The following CCR5AS variants were observed in gnomAD, a reference collection of about 807,000 sequenced individuals.
CCR5AS encodes CCR5 antisense RNA.
chr3:46,373,211 C>T, intron 2 of CCR5AS: 1 of 1,614,212 alleles, frequency 6.2e-7, no homozygotes, highest in East Asian at 2.2e-5. Context: ...TGTGTCAACT[C>T]TTGACAGGGC....
At chr3:46,398,869 T>C (rs1389105262) in intron 1 of CCR5AS, among the ~76,000 whole-genome samples, 1 of 152,194 alleles carries the variant, frequency 6.6e-6, no homozygotes, top group Non-Finnish European at 1.5e-5. Flanking sequence ...CTTTATTCCA[T>C]AGGATTGGGA....
chr3:46,399,143 T>C (rs183025462), intron 1 of CCR5AS, among the ~76,000 whole-genome samples: 2 of 152,316 alleles, frequency 1.3e-5, no homozygotes, highest in African/African-American at 4.8e-5. Context: ...TGTCAAAAAA[T>C]CTTAAGCACC....
chr3:46,401,022 G>T (rs1325557158), intron 1 of CCR5AS, among the ~76,000 whole-genome samples: 2 of 152,172 alleles, frequency 1.3e-5, no homozygotes, highest in African/African-American at 4.8e-5. Context: ...CAGGGAAATT[G>T]TCAGAATTCA....
rs151064806 is a variant in CCR5AS at position 46,406,397 on chromosome 3, G to A, written n.163+500C>T. 6.6e-3 allele frequency among the ~76,000 whole-genome samples: 997 copies of A among 151,658 alleles called. 13 individuals carry two copies. The highest frequency in any genetic ancestry group is 0.041 in the Admixed American group (631 of 15,230). On this transcript the variant is annotated intron_variant and non_coding_transcript_variant, in intron 1 of 3. Coordinates refer to ENST00000451485, the Ensembl canonical transcript of CCR5AS. Reference sequence around the variant, plus strand: ...ATTTTCAAGTTCCTCTTCTCGGTTCGTCCTTCTTCCAGACCGTGCCCTCCC... The same window carrying A: ...ATTTTCAAGTTCCTCTTCTCGGTTCATCCTTCTTCCAGACCGTGCCCTCCC...
At chr3:46,372,360 G>A (rs1315508149) in intron 2 of CCR5AS, among the ~76,000 whole-genome samples, 4 of 152,192 alleles carry the variant, frequency 2.6e-5, no homozygotes, top group Admixed American at 2.6e-4. Flanking sequence ...GTGTGATCTT[G>A]TATCTATAAA....
rs1701681232 is a variant in CCR5AS at position 46,372,826 on chromosome 3, C to T, written n.392-1409G>A. ...ACCTATTGATGTATAAAACAGTTTG[C>T]ATTCATGGAGGGCAACTAAATACAT... On this transcript the variant is annotated intron_variant and non_coding_transcript_variant, in intron 2 of 3. Transcript: ENST00000451485. 42 of 1,130,320 alleles carry T rather than the reference C, an allele frequency of 3.7e-5. No individual in the cohort carries two copies. The South Asian group carries it at 5.9e-4, about 16-fold the overall frequency. 70.0% of individuals were successfully genotyped at this position (1,130,320 alleles called of 1,614,324 possible).
At chr3:46,378,247 A>G (rs929107264) in intron 2 of CCR5AS, among the ~76,000 whole-genome samples, 4 of 152,124 alleles carry the variant, frequency 2.6e-5, no homozygotes, top group Admixed American at 1.3e-4. Flanking sequence ...ATACAAATAC[A>G]TATTTTTATA....
At chr3:46,367,843 A>G (rs1488713554) in intron 3 of CCR5AS, among the ~76,000 whole-genome samples, 1 of 152,208 alleles carries the variant, frequency 6.6e-6, no homozygotes, top group African/African-American at 2.4e-5. Context: ...AAGTGCTGGG[A>G]TTATAGGCAT....
intron 1 of CCR5AS, among the ~76,000 whole-genome samples, chr3:46,403,760 T>C (rs1343430814): frequency 6.6e-6 from 1 of 151,998 alleles, no homozygotes; most frequent in African/African-American, 2.4e-5. Flanking sequence ...GCTCTTGGAG[T>C]GCCAGCAAAA....
intron 2 of CCR5AS, chr3:46,374,362 A>C (rs1477870478): frequency 5.7e-6 from 1 of 176,314 alleles, no homozygotes; most frequent in African/African-American, 2.4e-5. Context: ...TTTACCTAGT[A>C]CAAGGCAACA....
intron 3 of CCR5AS, among the ~76,000 whole-genome samples, chr3:46,367,963 C>A (rs1701616288): frequency 6.6e-6 from 1 of 152,112 alleles, no homozygotes; most frequent in Admixed American, 6.6e-5. Context: ...CAACTCAGGC[C>A]CCAGGGATTT....
chr3:46,373,309 C>T (rs1225373728), intron 2 of CCR5AS: 12 of 1,614,176 alleles, frequency 7.4e-6, no homozygotes, highest in Non-Finnish European at 9.3e-6. Flanking sequence ...GCTGTGTTTG[C>T]TTTAAAAGCC....
chr3:46,400,040 T>TGTA (rs1701993432), intron 1 of CCR5AS, among the ~76,000 whole-genome samples: 1 of 151,918 alleles, frequency 6.6e-6, no homozygotes, highest in Non-Finnish European at 1.5e-5. Flanking sequence ...CAGGCTGGAG[T>TGTA]GTAGTAGTAG....
intron 2 of CCR5AS, among the ~76,000 whole-genome samples, chr3:46,386,127 G>T (rs575929624): frequency 1.3e-5 from 2 of 151,942 alleles, no homozygotes; most frequent in Non-Finnish European, 2.9e-5. Context: ...TGTTCCCCAG[G>T]CTGGTCTTGA....
chr3:46,373,892 G>T (rs35853487), intron 2 of CCR5AS: 10 of 1,611,324 alleles, frequency 6.2e-6, no homozygotes, highest in Non-Finnish European at 8.5e-6. Context: ...TCCAGCAAGA[G>T]GCTCCCGAGC....
intron 1 of CCR5AS, among the ~76,000 whole-genome samples, chr3:46,400,648 A>T (rs970277236): frequency 6.6e-5 from 10 of 152,320 alleles, no homozygotes; most frequent in African/African-American, 2.2e-4. Flanking sequence ...CAGGGAGTTG[A>T]GTTAATGAGC....
chr3:46,382,922 T>C (rs1701828260), intron 2 of CCR5AS, among the ~76,000 whole-genome samples: 1 of 152,256 alleles, frequency 6.6e-6, no homozygotes. Context: ...AGTATCTGCC[T>C]TACAGGTTTG....
chr3:46,396,760 T>C (rs1701964923), intron 1 of CCR5AS, among the ~76,000 whole-genome samples: 1 of 152,174 alleles, frequency 6.6e-6, no homozygotes, highest in Non-Finnish European at 1.5e-5. Flanking sequence ...GTGGGCAGCT[T>C]CTCCCTCTGC....
At chr3:46,371,881 A>C (rs1270833398) in intron 2 of CCR5AS, among the ~76,000 whole-genome samples, 1 of 152,160 alleles carries the variant, frequency 6.6e-6, no homozygotes, top group African/African-American at 2.4e-5. Context: ...CTCTGACTAC[A>C]TCATGTCACC....
Sources: allele counts gnomAD v4.1 joint callset (sites outside exome capture counted in the v4.1 genomes callset), GRCh38; gene constraint gnomAD v4.1.1; transcripts MANE v1.5; gene names NCBI Gene and HGNC (gene_info 2026-07-23, HGNC 2026-07-21).